Variants in TACR1 observed in about 807,000 individuals in gnomAD.
TACR1 encodes tachykinin receptor 1, also known as substance-P receptor.
A neutral mutation model predicts 35.8 loss-of-function variants in TACR1; 25 were observed. The ratio of observed to expected loss-of-function variants is 0.70; its 90% CI spans 0.51 to 0.98. The LOEUF (loss-of-function observed/expected upper bound fraction) is 0.98. TACR1 is among the 50% of genes least tolerant of loss of function. The pLI, the probability that TACR1 is intolerant of heterozygous loss-of-function variation, is 0.00. For synonymous variants in TACR1, 195 were observed against 206.7 expected, an observed-to-expected ratio of 0.94 and a Z score of 0.48; for missense variants, 478 against 522.9, an observed-to-expected ratio of 0.91 and a Z score of 0.84.
At chr2:75,166,227 G>A (rs1016847246) in intron 1 of TACR1, among the ~76,000 whole-genome samples, 2 of 152,160 alleles carry the variant, frequency 1.3e-5, no homozygotes, top group Non-Finnish European at 2.9e-5. Context: ...AGACAGACTA[G>A]AAATTGATTC....
intron 2 of TACR1, among the ~76,000 whole-genome samples, chr2:75,118,419 T>C (rs915577940): frequency 6.6e-6 from 1 of 152,190 alleles, no homozygotes; most frequent in African/African-American, 2.4e-5. Flanking sequence ...TAGATTAAAA[T>C]GATGAAATAA....
At chr2:75,122,539 C>T (rs1157179735) in intron 1 of TACR1, among the ~76,000 whole-genome samples, 2 of 152,042 alleles carry the variant, frequency 1.3e-5, no homozygotes, top group African/African-American at 2.4e-5. Flanking sequence ...ATGACAACTC[C>T]CAGGAAGGAA....
At chr2:75,144,325 C>T (rs1674464413) in intron 1 of TACR1, among the ~76,000 whole-genome samples, 1 of 152,214 alleles carries the variant, frequency 6.6e-6, no homozygotes, top group South Asian at 2.1e-4. Flanking sequence ...AACATGAGTT[C>T]TCTTTGGTGC....
chr2:75,110,074 G>A (rs899269284), intron 2 of TACR1, among the ~76,000 whole-genome samples: 3 of 151,960 alleles, frequency 2.0e-5, no homozygotes, highest in Admixed American at 1.3e-4. Flanking sequence ...AATACAATAC[G>A]AAATGAAGCA....
intron 1 of TACR1, among the ~76,000 whole-genome samples, chr2:75,133,948 G>A (rs1674228015): frequency 1.3e-5 from 2 of 152,198 alleles, no homozygotes; most frequent in Admixed American, 6.5e-5. Flanking sequence ...AGATGGCGAA[G>A]AGACTTCTTT....
Position 75,049,567 on chromosome 2 carries a change from C to A in TACR1, c.1089G>T (p.Gly363=). The change falls in exon 5 of 5, where the codon GGG becomes GGT. Residue 363 remains glycine (G), a synonymous_variant. Coordinates refer to ENST00000305249, the MANE Select transcript of TACR1 (RefSeq NM_001058.4). ...CGTCCTCTGGCTCCTCCTCGTGGGCCCCCACCACTGTGGAGATGGTGGTCT... is the reference window on the plus strand; with the variant it reads ...CGTCCTCTGGCTCCTCCTCGTGGGCACCCACCACTGTGGAGATGGTGGTCT... ...RLETTISTVV[G]AHEEEPEDGP... The A allele has an allele frequency of 6.2e-7, 1 of 1,614,164 alleles. No individual in the cohort carries two copies. The highest frequency in any genetic ancestry group is 8.5e-7 in the Non-Finnish European group (1 of 1,180,000).
intron 1 of TACR1, among the ~76,000 whole-genome samples, chr2:75,157,199 G>C (rs769233561): frequency 1.3e-5 from 2 of 152,104 alleles, no homozygotes; most frequent in Non-Finnish European, 2.9e-5. Flanking sequence ...CACCACCGTG[G>C]AGCAAACTGG....
intron 2 of TACR1, among the ~76,000 whole-genome samples, chr2:75,059,985 G>C (rs1483489337): frequency 6.6e-6 from 1 of 152,238 alleles, no homozygotes; most frequent in Admixed American, 6.5e-5. Context: ...CTGGGTGTTA[G>C]AGCCAAATTC....
chr2:75,086,506 C>CTGAA (rs1673191335), intron 2 of TACR1, among the ~76,000 whole-genome samples: 1 of 152,104 alleles, frequency 6.6e-6, no homozygotes, highest in African/African-American at 2.4e-5. Context: ...GACTGACTGA[C>CTGAA]TGAATGAATG....
intron 2 of TACR1, among the ~76,000 whole-genome samples, chr2:75,115,906 CAAA>C (rs1158476632): frequency 3.7e-5 from 2 of 54,466 alleles, no homozygotes; most frequent in African/African-American, 8.6e-5. Context: ...GACTCCGTCT[CAAA>C]AAAAAAAAAA....
intron 2 of TACR1, among the ~76,000 whole-genome samples, chr2:75,081,418 G>A (rs756114178): frequency 6.6e-6 from 1 of 152,192 alleles, no homozygotes; most frequent in Non-Finnish European, 1.5e-5. Context: ...TTAGACAGGG[G>A]ATGCTGAAAT....
At chr2:75,126,075 C>G (rs1379255405) in intron 1 of TACR1, among the ~76,000 whole-genome samples, 1 of 152,160 alleles carries the variant, frequency 6.6e-6, no homozygotes, top group African/African-American at 2.4e-5. Flanking sequence ...TTCCTCCTCT[C>G]ACTCTCCACC....
chr2:75,125,214 C>T (rs188371050), intron 1 of TACR1, among the ~76,000 whole-genome samples: 4 of 151,796 alleles, frequency 2.6e-5, no homozygotes, highest in Admixed American at 6.6e-5. Context: ...GATGGAGTCT[C>T]GCTCTGTTGC....
At chr2:75,192,826 G>A (rs1675881515) in intron 1 of TACR1, among the ~76,000 whole-genome samples, 1 of 152,084 alleles carries the variant, frequency 6.6e-6, no homozygotes, top group Admixed American at 6.5e-5. Context: ...ACAATGGACT[G>A]GAGGGAACAT....
intron 2 of TACR1, among the ~76,000 whole-genome samples, chr2:75,093,507 A>G (rs1673349785): frequency 6.6e-6 from 1 of 152,154 alleles, no homozygotes; most frequent in Non-Finnish European, 1.5e-5. Flanking sequence ...CACTAATGAA[A>G]CGTTATGGGT....
At chr2:75,167,674 CATTTT>C (rs1351328914) in intron 1 of TACR1, among the ~76,000 whole-genome samples, 3 of 152,052 alleles carry the variant, frequency 2.0e-5, no homozygotes, top group African/African-American at 7.2e-5. Context: ...TGACAGAGAA[CATTTT>C]AAACTAAAAA....
intron 1 of TACR1, among the ~76,000 whole-genome samples, chr2:75,197,814 AC>A (rs1241612430): frequency 6.6e-6 from 1 of 152,030 alleles, no homozygotes; most frequent in Non-Finnish European, 1.5e-5. Context: ...AATTTAGAAC[AC>A]CTCTTGGGTA....
At chr2:75,165,864 C>G (rs1483960635) in intron 1 of TACR1, among the ~76,000 whole-genome samples, 1 of 152,182 alleles carries the variant, frequency 6.6e-6, no homozygotes, top group Non-Finnish European at 1.5e-5. Context: ...TCATGTTTCT[C>G]TGTCCCTCCG....
intron 2 of TACR1, among the ~76,000 whole-genome samples, chr2:75,108,676 G>T (rs926502965): frequency 2.6e-5 from 4 of 152,062 alleles, no homozygotes; most frequent in Admixed American, 1.3e-4. Flanking sequence ...ATAACCACTA[G>T]AAAGATGGAG....
Sources: gnomAD v4.1 joint callset for allele counts (sites outside exome capture counted in the v4.1 genomes callset) on GRCh38, gnomAD v4.1.1 for gene constraint, MANE v1.5 for transcripts, NCBI Gene and HGNC (gene_info 2026-07-23, HGNC 2026-07-21) for gene names.